DHX57: variants seen among roughly 807,000 people sequenced by gnomAD.
DHX57 encodes the protein DExH-box helicase 57.
DHX57 carries 105 observed loss-of-function variants against 156.2 expected under a neutral mutation model. That is an observed-to-expected ratio of 0.67 (90% CI 0.57 to 0.79). DHX57 has a LOEUF of 0.79. Ranked by LOEUF, DHX57 falls within the 30% of genes least tolerant of loss-of-function variation. The probability of loss-of-function intolerance (pLI) is 0.00; values close to 1 mark genes in which losing one functional copy is unlikely to be tolerated. For missense variants in DHX57, 1,847 were observed against 1,661.9 expected (o/e 1.11, Z -1.94); for synonymous variants, 704 against 595.6 (o/e 1.18, Z -2.65).
chr2:38,858,422 C>G (rs571165374), intron 6 of DHX57, among the ~76,000 whole-genome samples: 1 of 101,112 alleles, frequency 9.9e-6, no homozygotes, highest in Non-Finnish European at 2.5e-5. Context: ...GTACCAAAGG[C>G]ACATGACTCT....
intron 16 of DHX57, 43 bp downstream of exon 16, chr2:38,825,804 A>G (rs1558370461): frequency 1.3e-6 from 2 of 1,597,438 alleles, no homozygotes; most frequent in Non-Finnish European, 1.7e-6. Flanking sequence ...AGTGAGAAAC[A>G]TTTAGACCTT....
rs1487065909 is a variant in DHX57 at position 38,800,115 on chromosome 2, G to A, written c.4018-1673C>T. 2.6e-5 allele frequency among the ~76,000 whole-genome samples: 4 copies of A among 151,526 alleles called. No individual in the cohort carries two copies. The East Asian group carries it at 5.9e-4, about 22-fold the overall frequency. On this transcript the variant is annotated intron_variant, in intron 23 of 23. Transcript: ENST00000457308. ...CAGGAGAATCGCTTGAACACGGGAG[G>A]CAGAGGCTGTGGTGAGCCGAGATGG...
intron 2 of DHX57, chr2:38,867,052 T>C (rs1302589483): frequency 6.6e-6 from 1 of 152,220 alleles, no homozygotes; most frequent in African/African-American, 2.4e-5. Flanking sequence ...TCTCTTATAC[T>C]CTATTTTTAC....
At chr2:38,853,171 C>T (rs1672697379) in intron 9 of DHX57, 2 of 153,150 alleles carry the variant, frequency 1.3e-5, no homozygotes, top group Non-Finnish European at 2.9e-5. Context: ...GATTCTCCTG[C>T]CTCAGCCTCC....
intron 23 of DHX57, among the ~76,000 whole-genome samples, chr2:38,800,608 C>G (rs897292651): frequency 2.0e-5 from 3 of 152,090 alleles, no homozygotes; most frequent in African/African-American, 7.2e-5. Context: ...TCAGGACATC[C>G]CTTTGGTCAC....
At chr2:38,835,205 G>C (rs1192082637) in intron 13 of DHX57, among the ~76,000 whole-genome samples, 2 of 152,012 alleles carry the variant, frequency 1.3e-5, no homozygotes, top group African/African-American at 4.8e-5. Context: ...GCCCTCTTCT[G>C]GAAAAAAAAT....
chr2:38,806,340 T>C (rs1023471996), intron 22 of DHX57: 10 of 478,050 alleles, frequency 2.1e-5, no homozygotes, highest in African/African-American at 1.8e-4. Context: ...GAAAGCAGGC[T>C]TGAGTACTTT....
chr2:38,861,532 C>A lies in DHX57; in HGVS notation c.878G>T (p.Ser293Ile), dbSNP rs767396580. Residue 293 changes from serine (S) to isoleucine (I), a missense_variant, in exon 5 of 24, where the codon AGT (serine) becomes ATT (isoleucine). Coordinates refer to ENST00000457308, the MANE Select transcript of DHX57 (RefSeq NM_198963.3). ...TGAATTCTCTTGTACATTTTTGGTA[C>A]TTTCTTTTGGCTTGGATTTGCGGAA... is the stretch of plus-strand genomic sequence containing the variant. ...SRFRKSKPKE[S>I]TKNVQENSLE... 4.3e-6 allele frequency: 7 copies of A among 1,613,966 alleles called. No homozygotes were observed. Among genetic ancestry groups the A allele is most frequent in the Non-Finnish European group, 5.9e-6 (7 of 1,180,010 alleles).
chr2:38,798,574 A>G (rs1669505019), intron 23 of DHX57, 132 bp from the exon 24 acceptor site: 2 of 1,005,754 alleles, frequency 2.0e-6, no homozygotes, highest in African/African-American at 3.3e-5. Context: ...AGGAGCAAAA[A>G]CCCTAAATAC....
Position 38,868,302 on chromosome 2 carries a change from C to T in DHX57, c.104G>A (p.Gly35Glu), listed in dbSNP as rs150741789. 9.7e-5 allele frequency: 157 copies of T among 1,614,046 alleles called. No homozygotes were observed. In the African/African-American group the frequency reaches 1.9e-3, roughly 20 times the overall value. The change falls in exon 2 of 24, where the codon GGG becomes GAG. Residue 35 changes from glycine to glutamate, a missense_variant. Coordinates refer to ENST00000457308, the MANE Select transcript of DHX57 (RefSeq NM_198963.3). Reference sequence around the variant, plus strand: ...ACCACCACCGCCACCGCCACCACTCCCATGAGATTTACTGGCGTGACTCCT... The same window carrying T: ...ACCACCACCGCCACCGCCACCACTCTCATGAGATTTACTGGCGTGACTCCT... ...GGRSHASKSH[G>E]SGGGGGGGGG...
chr2:38,843,922 G>C (rs756737889), intron 11 of DHX57, among the ~76,000 whole-genome samples: 13 of 152,084 alleles, frequency 8.5e-5, no homozygotes, highest in African/African-American at 3.1e-4. Context: ...GAAAGGTAAG[G>C]GAATGGGAGC....
chr2:38,867,520 A>G (rs1211702745), intron 2 of DHX57, among the ~76,000 whole-genome samples: 3 of 152,194 alleles, frequency 2.0e-5, no homozygotes, highest in Non-Finnish European at 4.4e-5. Flanking sequence ...CAGCTCATCA[A>G]CTAGAAAGAC....
chr2:38,847,406 A>G (rs1672346959), intron 10 of DHX57, among the ~76,000 whole-genome samples: 1 of 152,246 alleles, frequency 6.6e-6, no homozygotes, highest in African/African-American at 2.4e-5. Flanking sequence ...TCTAGATCAA[A>G]CACAAAGTTT....
At chr2:38,814,767 G>T (rs1364438410) in intron 20 of DHX57, among the ~76,000 whole-genome samples, 1 of 151,676 alleles carries the variant, frequency 6.6e-6, no homozygotes, top group East Asian at 1.9e-4. Context: ...TTGCTGCCCA[G>T]GCTGGAGTGC....
Position 38,815,628 on chromosome 2 carries a change from T to G in DHX57, c.3499A>C (p.Thr1167Pro). Reference protein sequence around the residue: ...QEMASLKRQFTELLSDIGFAR... With the variant: ...QEMASLKRQFPELLSDIGFAR... ...AACCCTATATCCGATAACAGTTCCG[T>G]GAATTGTCGTTTGAGGCTGGCCATT... Residue 1167 changes from threonine to proline, a missense_variant, in exon 20 of 24, where the codon ACG becomes CCG. By Grantham distance (38) the Thr-to-Pro change is conservative. Coordinates refer to ENST00000457308, the MANE Select transcript of DHX57 (RefSeq NM_198963.3). 1.2e-6 allele frequency: 2 copies of G among 1,614,132 alleles called. No individual in the cohort carries two copies. Among genetic ancestry groups the G allele is most frequent in the Non-Finnish European group, 1.7e-6 (2 of 1,180,028 alleles).
intron 10 of DHX57, 26 bp downstream of exon 10, chr2:38,848,243 C>T (rs1672391499): frequency 1.9e-6 from 3 of 1,557,968 alleles, no homozygotes; most frequent in Admixed American, 2.1e-5. Flanking sequence ...TAGAATGATA[C>T]ATATTTAATG....
At chr2:38,865,931 C>A (rs1414343729) in intron 2 of DHX57, among the ~76,000 whole-genome samples, 1 of 152,170 alleles carries the variant, frequency 6.6e-6, no homozygotes. Flanking sequence ...ACAAAGCACA[C>A]CCAGTCAATG....
At position 38,854,133 on chromosome 2, in the gene DHX57, T is replaced by C; in HGVS notation, c.1951A>G (p.Arg651Gly). 1 of 1,614,030 alleles carries C rather than the reference T, an allele frequency of 6.2e-7. No individual in the cohort carries two copies. The highest frequency in any genetic ancestry group is 8.5e-7 in the Non-Finnish European group (1 of 1,179,900). The stretch of plus-strand genomic sequence containing the variant: ...AGAGCTGTATCTCCTTCTAGCCTTC[T>C]CAGCAGCACTCCCGTGGTGCAGTAT... ...LLYCTTGVLL[R>G]RLEGDTALQG... Residue 651 changes from arginine to glycine, a missense_variant, in exon 9 of 24, where the codon AGA becomes GGA. Coordinates refer to ENST00000457308, the MANE Select transcript of DHX57 (RefSeq NM_198963.3).
chr2:38,814,013 C>G, intron 20 of DHX57, 118 bp from the exon 21 acceptor site: 1 of 1,084,102 alleles, frequency 9.2e-7, no homozygotes, highest in Non-Finnish European at 1.4e-6. Context: ...TCTCAGCTTA[C>G]TGCAACCTCC....
Sources: allele counts gnomAD v4.1 joint callset (sites outside exome capture counted in the v4.1 genomes callset), GRCh38; gene constraint gnomAD v4.1.1; transcripts MANE v1.5; gene names NCBI Gene and HGNC (gene_info 2026-07-23, HGNC 2026-07-21).